The following SYTL3 variants were observed in gnomAD, a reference collection of about 807,000 sequenced individuals.
The protein encoded by SYTL3 is synaptotagmin-like protein 3.
SYTL3 carries 88 observed loss-of-function variants against 82.1 expected under a neutral mutation model. That is an observed-to-expected ratio of 1.07 (90% CI 0.90 to 1.28). SYTL3 has a LOEUF of 1.28. Among genes scored for constraint, SYTL3 ranks in the 50% most tolerant of loss-of-function variants. The pLI, the probability that SYTL3 is intolerant of heterozygous loss-of-function variation, is 0.00. For synonymous variants in SYTL3, 311 were observed against 289.4 expected (o/e 1.07, Z -0.76); for missense variants, 831 against 757.6 (o/e 1.10, Z -1.14).
At chr6:158,696,139 A>G (rs984519917) in intron 6 of SYTL3, among the ~76,000 whole-genome samples, 3 of 152,118 alleles carry the variant, frequency 2.0e-5, no homozygotes, top group African/African-American at 4.8e-5. Flanking sequence ...ATTTTATTAT[A>G]CTTCCCCACT....
rs763232107 is a variant in SYTL3 at position 158,763,354 on chromosome 6, T to TTC, written c.1568_1569insTC (p.Lys525GlyfsTer17). The TTC allele has an allele frequency of 1.1e-5, 18 of 1,614,128 alleles. No individual in the cohort carries two copies. Among genetic ancestry groups the TTC allele is most frequent in the Non-Finnish European group, 1.5e-5 (18 of 1,180,060 alleles). On this transcript the variant is annotated frameshift_variant, in exon 17 of 18. Transcript: ENST00000611299. LOFTEE classifies it high-confidence loss of function. ...AAACTGAGACTGAAGTCGCCAGTCC[T>TTC]GAGGAAGCAGGCTTGCCCCCAGTGG...
intron 5 of SYTL3, among the ~76,000 whole-genome samples, chr6:158,681,405 G>A (rs1177815334): frequency 6.6e-6 from 1 of 152,088 alleles, no homozygotes; most frequent in Non-Finnish European, 1.5e-5. Context: ...CAGACCAGTG[G>A]GCCAAACAGG....
At chr6:158,743,939 G>GA (rs995733409) in intron 11 of SYTL3, among the ~76,000 whole-genome samples, 4 of 152,034 alleles carry the variant, frequency 2.6e-5, no homozygotes, top group African/African-American at 9.7e-5. Flanking sequence ...TTTGTTTTGA[G>GA]ATGGGGCCTC....
At chr6:158,665,716 C>A in intron 5 of SYTL3, 103 bp downstream of exon 5, 1 of 820,726 alleles carries the variant, frequency 1.2e-6, no homozygotes, top group Non-Finnish European at 1.9e-6. Flanking sequence ...CACCTTCAGC[C>A]AGTAAATGTG....
intron 6 of SYTL3, among the ~76,000 whole-genome samples, chr6:158,691,208 A>G (rs150270272): frequency 3.3e-5 from 5 of 152,202 alleles, no homozygotes; most frequent in Non-Finnish European, 7.4e-5. Context: ...TTAGCTGGAC[A>G]TGGTGACACA....
chr6:158,704,549 TC>T (rs1276465827), intron 6 of SYTL3, among the ~76,000 whole-genome samples: 1 of 152,186 alleles, frequency 6.6e-6, no homozygotes, highest in African/African-American at 2.4e-5. Context: ...GTGACAGTAA[TC>T]GTGCAGGCAG....
At chr6:158,709,402 G>T (rs1782509003) in intron 8 of SYTL3, among the ~76,000 whole-genome samples, 1 of 152,120 alleles carries the variant, frequency 6.6e-6, no homozygotes, top group East Asian at 1.9e-4. Flanking sequence ...AAATAGAAAA[G>T]ATCAAAATGC....
At chr6:158,699,699 G>T (rs1392016542) in intron 6 of SYTL3, among the ~76,000 whole-genome samples, 3 of 151,952 alleles carry the variant, frequency 2.0e-5, no homozygotes, top group Non-Finnish European at 2.9e-5. Context: ...TGTAATCCCG[G>T]CACTTTGGGA....
At chr6:158,732,099 G>T (rs746446914) in intron 11 of SYTL3, among the ~76,000 whole-genome samples, 111 of 152,252 alleles carry the variant, frequency 7.3e-4, no homozygotes, top group Non-Finnish European at 1.2e-3. Context: ...GTAAAAATCA[G>T]ACTCTTGTCC....
At chr6:158,724,177 A>G (rs993769034) in intron 10 of SYTL3, among the ~76,000 whole-genome samples, 4 of 152,120 alleles carry the variant, frequency 2.6e-5, no homozygotes, top group African/African-American at 9.7e-5. Context: ...TGGAGGATGG[A>G]CGTTTCATCT....
chr6:158,702,203 G>C (rs149066175), intron 6 of SYTL3, among the ~76,000 whole-genome samples: 1 of 151,546 alleles, frequency 6.6e-6, no homozygotes, highest in African/African-American at 2.4e-5. Context: ...ACTCACGCCT[G>C]TAATCCCAGC....
chr6:158,693,698 T>TTTCC, intron 6 of SYTL3, among the ~76,000 whole-genome samples: 1 of 135,524 alleles, frequency 7.4e-6, no homozygotes, highest in African/African-American at 3.8e-5. Context: ...TTCTTTTCGT[T>TTTCC]TTCTTTCTTT....
rs1358326821 is a variant in SYTL3 at position 158,718,178 on chromosome 6, C to G, written c.687C>G (p.Ser229Arg). Residue 229 changes from serine to arginine, a missense_variant, in exon 10 of 18, where the codon AGC becomes AGG. By Grantham distance (110) the Ser-to-Arg change is moderately radical. Transcript: ENST00000611299. ...GTGTGGGACAGACAGAGAGACGGAG[C>G]CAGTCTGACACTGCGGTCAACGTCA... ...RQCVGQTERRSQSDTAVNVTT... is the reference protein window; with the variant it reads ...RQCVGQTERRRQSDTAVNVTT... 1.2e-5 allele frequency: 18 copies of G among 1,544,084 alleles called. No individual in the cohort carries two copies. Among genetic ancestry groups the G allele is most frequent in the Non-Finnish European group, 1.4e-5 (16 of 1,143,630 alleles).
In SYTL3 at chr6:158,759,594, G is replaced by A. The variant is rs949830328; in HGVS notation, c.1309-1046G>A. ...GTCGTCCAGGCTGGAGTGAAGTGGCGTGATCTTGGCTCACTGCAACCTCTG... is the reference window on the plus strand; with the variant it reads ...GTCGTCCAGGCTGGAGTGAAGTGGCATGATCTTGGCTCACTGCAACCTCTG... On this transcript the variant is annotated intron_variant, in intron 14 of 17. Coordinates refer to ENST00000611299, the MANE Select transcript of SYTL3 (RefSeq NM_001242394.2). Among the ~76,000 whole-genome samples the A allele has an allele frequency of 3.3e-5, 5 of 152,172 alleles. 1 individual carries two copies. In the South Asian group the frequency reaches 6.2e-4, roughly 19 times the overall value.
chr6:158,652,964 A>G (rs1033541640), intron 2 of SYTL3, among the ~76,000 whole-genome samples: 2 of 152,206 alleles, frequency 1.3e-5, no homozygotes. Flanking sequence ...GGGCCGTGCA[A>G]ATAAAGGATT....
intron 9 of SYTL3, 72 bp from the exon 10 acceptor site, chr6:158,718,015 C>T: frequency 7.0e-7 from 1 of 1,423,248 alleles, no homozygotes; most frequent in Middle Eastern, 1.8e-4. Flanking sequence ...TCAGTGAACC[C>T]CAGAAGAGGC....
rs77994205 is a variant in SYTL3 at position 158,706,774 on chromosome 6, A to G, written c.395-456A>G. ...AAATTATTAGCCTCTGTAACTAGAA[A>G]TAAGTAGATTACAGTTTTTAAAAGA... On this transcript the variant is annotated intron_variant, in intron 6 of 17. Coordinates refer to ENST00000611299, the MANE Select transcript of SYTL3 (RefSeq NM_001242394.2). 7.3e-3 allele frequency among the ~76,000 whole-genome samples: 1,108 copies of G among 152,346 alleles called. 6 individuals carry two copies. The highest frequency in any genetic ancestry group is 0.013 in the Non-Finnish European group (892 of 68,028).
rs1789309853 is a variant in SYTL3, at chr6:158,660,931, T to TG, written c.-636-337dup. 5.9e-5 allele frequency among the ~76,000 whole-genome samples: 9 copies of TG among 152,288 alleles called. No homozygotes were observed. In the South Asian group the frequency reaches 1.9e-3, roughly 32 times the overall value. On this transcript the variant is annotated intron_variant, in intron 2 of 17. Coordinates refer to ENST00000611299, the MANE Select transcript of SYTL3 (RefSeq NM_001242394.2). ...TTAGCTAGGCATGGTAGCCCGCACC[T>TG]GTAGTCCCAGCTACTCGGGAGGCGG... is the stretch of plus-strand genomic sequence containing the variant.
chr6:158,691,010 C>T (rs1779804332), intron 6 of SYTL3, among the ~76,000 whole-genome samples: 1 of 152,068 alleles, frequency 6.6e-6, no homozygotes, highest in South Asian at 2.1e-4. Flanking sequence ...TTCCTGGCCT[C>T]ACACACACAG....
Sources: allele counts gnomAD v4.1 joint callset (sites outside exome capture counted in the v4.1 genomes callset), GRCh38; gene constraint gnomAD v4.1.1; transcripts MANE v1.5; gene names NCBI Gene and HGNC (gene_info 2026-07-23, HGNC 2026-07-21).